Variants in PHLDB2 observed in about 807,000 individuals in gnomAD.
PHLDB2 encodes pleckstrin homology like domain family B member 2.
PHLDB2 carries 71 observed loss-of-function variants against 123.6 expected under a neutral mutation model. The observed-to-expected ratio is 0.57, with a 90% CI of 0.47 to 0.70. The LOEUF is 0.70. Among genes scored for constraint, PHLDB2 ranks in the 30% least tolerant of loss-of-function variants. The probability of loss-of-function intolerance (pLI) is 0.00; values close to 1 mark genes in which losing one functional copy is unlikely to be tolerated. For missense variants in PHLDB2, 1,446 were observed against 1,519.5 expected (o/e 0.95, Z 0.80); for synonymous variants, 547 against 541.6 (o/e 1.01, Z -0.14).
chr3:111,900,920 G>C (rs2067157864), intron 2 of PHLDB2, among the ~76,000 whole-genome samples: 1 of 151,366 alleles, frequency 6.6e-6, no homozygotes, highest in South Asian at 2.1e-4. Flanking sequence ...CTTTTTTATA[G>C]AAATGGGGTC....
chr3:111,884,609 G>C lies in PHLDB2; in HGVS notation c.532G>C (p.Ala178Pro). The C allele has an allele frequency of 6.2e-7, 1 of 1,614,116 alleles. No homozygotes were observed. Among genetic ancestry groups the C allele is most frequent in the African/African-American group, 1.3e-5 (1 of 75,028 alleles). The change falls in exon 2 of 18, where the codon GCC (alanine) becomes CCC (proline). Residue 178 changes from alanine (A) to proline (P), a missense_variant. Physicochemically the swap from Ala to Pro is conservative, Grantham distance 27. Around this residue, in one of 3 missense-constraint regions of PHLDB2, gnomAD observed 832 missense variants for 831.9 expected, o/e 1.00. Transcript: ENST00000431670. Reference protein sequence around the residue: ...EGRKASGSLLAMWNGSSLSDA... With the variant: ...EGRKASGSLLPMWNGSSLSDA... The stretch of plus-strand genomic sequence containing the variant: ...TCGGAAGGCATCTGGCTCGCTCCTG[G>C]CCATGTGGAATGGAAGTTCCCTGAG...
chr3:111,945,993 C>G (rs886140481), intron 9 of PHLDB2, among the ~76,000 whole-genome samples: 1 of 151,746 alleles, frequency 6.6e-6, no homozygotes, highest in Non-Finnish European at 1.5e-5. Flanking sequence ...TATTTTAACT[C>G]TAATTTGGAA....
chr3:111,948,322 C>T (rs944087847), intron 9 of PHLDB2, among the ~76,000 whole-genome samples: 1 of 152,010 alleles, frequency 6.6e-6, no homozygotes, highest in African/African-American at 2.4e-5. Context: ...GAAGACTCAC[C>T]TGCATGAAAG....
Position 111,954,140 on chromosome 3 carries a change from G to T in PHLDB2, c.2872+111G>T, listed in dbSNP as rs1023103164. 4.4e-6 allele frequency: 4 copies of T among 916,926 alleles called. No individual in the cohort carries two copies. In the Admixed American group the frequency reaches 7.5e-5, roughly 17 times the overall value. 56.8% of individuals were successfully genotyped at this position (916,926 alleles called of 1,614,324 possible). A position where few individuals can be genotyped will look rare whatever the true frequency, so the allele number is the denominator to read the frequency against. ...TGATTAGAGGAGGGATCAACCAAAG[G>T]CCTAATTTTACTCTTAATGTGTTCT... On this transcript the variant is annotated intron_variant, in intron 12 of 17. Transcript: ENST00000431670.
intron 1 of PHLDB2, among the ~76,000 whole-genome samples, chr3:111,877,193 A>G (rs2065674684): frequency 6.6e-6 from 1 of 152,266 alleles, no homozygotes. Flanking sequence ...CCAACAGTGT[A>G]AAAGTGTTCC....
Position 111,884,062 on chromosome 3 carries a change from A to G in PHLDB2, c.-14-2A>G, listed in dbSNP as rs745464478. The G allele has an allele frequency of 1.3e-6, 2 of 1,592,086 alleles. No homozygotes were observed. The highest frequency in any genetic ancestry group is 1.2e-5 in the South Asian group (1 of 86,742). ...AAAATTTTCTGTTTTATTTCTTTAC[A>G]GATTCCAGCAAGATTATGGAAGAGC... On this transcript the variant is annotated splice_acceptor_variant, in intron 1 of 17. Transcript: ENST00000431670. LOFTEE classifies it low-confidence loss of function (5UTR_SPLICE).
chr3:111,837,550 T>C (rs893153010), intron 1 of PHLDB2, among the ~76,000 whole-genome samples: 1 of 152,196 alleles, frequency 6.6e-6, no homozygotes, highest in African/African-American at 2.4e-5. Context: ...TCAGACCCTA[T>C]ACTAAATGCA....
chr3:111,852,120 C>T lies in PHLDB2; in HGVS notation c.67+6185C>T, dbSNP rs16858729. On this transcript the variant is annotated intron_variant, in intron 2 of 17. Transcript: ENST00000393923. ...GCAGTATAAAACAGAGTAGGTGCTT[C>T]GTAAATTTGCCTTTAACATTCCTCA... 0.01 allele frequency among the ~76,000 whole-genome samples: 1,570 copies of T among 151,860 alleles called. 50 individuals are homozygous for T. The East Asian group carries it at 0.12, about 12-fold the overall frequency.
At chr3:111,935,268 T>G (rs2069407439) in intron 6 of PHLDB2, among the ~76,000 whole-genome samples, 1 of 151,872 alleles carries the variant, frequency 6.6e-6, no homozygotes, top group South Asian at 2.1e-4. Flanking sequence ...CCTGGCTCAT[T>G]TTTCATATTT....
chr3:111,800,543 T>C (rs2061338154), intron 1 of PHLDB2, among the ~76,000 whole-genome samples: 1 of 152,374 alleles, frequency 6.6e-6, no homozygotes, highest in East Asian at 1.9e-4. Context: ...TCTCACTGTA[T>C]ATCTTTAGTT....
At chr3:111,829,452 C>CTTTTTCTTTTTT (rs1559853601) in intron 1 of PHLDB2, among the ~76,000 whole-genome samples, 1 of 126,418 alleles carries the variant, frequency 7.9e-6, no homozygotes, top group African/African-American at 2.9e-5. Flanking sequence ...TTTTCTTTTT[C>CTTTTTCTTTTTT]TTTTTCTTTT....
chr3:111,855,490 G>GCTTC (rs2064445073), upstream of PHLDB2, among the ~76,000 whole-genome samples: 1 of 96,596 alleles, frequency 1.0e-5, no homozygotes, highest in East Asian at 3.0e-4. Flanking sequence ...TCCCTTCTTT[G>GCTTC]CTTCCTTCCT....
chr3:111,949,344 C>CT (rs11439845), intron 10 of PHLDB2, among the ~76,000 whole-genome samples: 47,345 of 151,892 alleles, frequency 0.31, 7,978 homozygotes, highest in African/African-American at 0.43. Context: ...TCTTAGCACT[C>CT]TAACTCAACT....
chr3:111,811,188 C>G (rs1486972580), intron 1 of PHLDB2, among the ~76,000 whole-genome samples: 1 of 152,160 alleles, frequency 6.6e-6, no homozygotes. Flanking sequence ...AAAATGTACT[C>G]CATTTAGCAT....
At chr3:111,818,976 C>T (rs2062231834) in intron 1 of PHLDB2, among the ~76,000 whole-genome samples, 1 of 152,136 alleles carries the variant, frequency 6.6e-6, no homozygotes, top group Non-Finnish European at 1.5e-5. Flanking sequence ...GCTTAAACAA[C>T]AGAAATGCAT....
intron 1 of PHLDB2, among the ~76,000 whole-genome samples, chr3:111,739,030 C>T (rs1293164850): frequency 1.3e-5 from 2 of 152,134 alleles, no homozygotes; most frequent in African/African-American, 4.8e-5. Flanking sequence ...AAAATGGAGG[C>T]AGGGGATTGA....
rs1553736315 is a variant in PHLDB2 at position 111,830,955 on chromosome 3, G to GAGAGAGAGAA, written c.-48-14863_-48-14862insGAGAGAAAGA. Among the ~76,000 whole-genome samples the GAGAGAGAGAA allele has an allele frequency of 4.4e-3, 278 of 63,674 alleles. 6 individuals are homozygous for GAGAGAGAGAA. Among genetic ancestry groups the GAGAGAGAGAA allele is most frequent in the Non-Finnish European group, 5.9e-3 (207 of 35,366 alleles). 41.8% of individuals were successfully genotyped at this position (63,674 alleles called of 152,430 possible). A position where few individuals can be genotyped will look rare whatever the true frequency, so the allele number is the denominator to read the frequency against. On this transcript the variant is annotated intron_variant, in intron 1 of 17. Transcript: ENST00000393923. ...GAAAGAAAAGAAGGAAAGAAAGAAA[G>GAGAGAGAGAA]AGAAAGAAAGAAAGAAAGAAAGAAA...
chr3:111,782,725 T>G, intron 1 of PHLDB2, among the ~76,000 whole-genome samples: 1 of 152,080 alleles, frequency 6.6e-6, no homozygotes, highest in Non-Finnish European at 1.5e-5. Flanking sequence ...TTGTCTGTCT[T>G]TCTTCTTAAC....
intron 1 of PHLDB2, among the ~76,000 whole-genome samples, chr3:111,825,241 C>A (rs1351230281): frequency 6.6e-6 from 1 of 152,160 alleles, no homozygotes; most frequent in East Asian, 1.9e-4. Context: ...CAAGCTGGAT[C>A]CAGATTCTTA....
Sources: gnomAD v4.1 joint callset for allele counts (sites outside exome capture counted in the v4.1 genomes callset) on GRCh38, gnomAD v4.1.1 for gene constraint, gnomAD v4.1.1 regional missense constraint, MANE v1.5 for transcripts, NCBI Gene and HGNC (gene_info 2026-07-23, HGNC 2026-07-21) for gene names.